The following NCAM2 variants were observed in gnomAD, a reference collection of about 807,000 sequenced individuals.
The protein encoded by NCAM2 is neural cell adhesion molecule 2.
Under a neutral mutation model 98.1 loss-of-function variants are expected in NCAM2, and 30 were observed. That is an observed-to-expected ratio of 0.31 (90% CI 0.23 to 0.41). The LOEUF is 0.41. Among genes scored for constraint, NCAM2 ranks in the 10% least tolerant of loss-of-function variants. The probability of loss-of-function intolerance (pLI) is 1.00; values close to 1 mark genes in which losing one functional copy is unlikely to be tolerated. For synonymous variants in NCAM2, 368 were observed against 342.4 expected (o/e 1.07, Z -0.83); for missense variants, 867 against 1,005.8 (o/e 0.86, Z 1.87).
intron 13 of NCAM2, among the ~76,000 whole-genome samples, chr21:21,467,711 G>C (rs1242587851): frequency 6.6e-6 from 1 of 151,632 alleles, no homozygotes; most frequent in African/African-American, 2.4e-5. Flanking sequence ...AATCAGCTGG[G>C]TGTGGTGGTA....
At chr21:21,102,310 A>G (rs1037030628) in intron 1 of NCAM2, among the ~76,000 whole-genome samples, 1 of 152,090 alleles carries the variant, frequency 6.6e-6, no homozygotes, top group Non-Finnish European at 1.5e-5. Flanking sequence ...AATTTTTACT[A>G]GAAACACGAT....
At chr21:21,303,121 C>T (rs370255981) in intron 5 of NCAM2, among the ~76,000 whole-genome samples, 6 of 151,452 alleles carry the variant, frequency 4.0e-5, no homozygotes, top group East Asian at 1.9e-4. Flanking sequence ...GAAAGGGAGG[C>T]GTGGGCTGAA....
intron 1 of NCAM2, among the ~76,000 whole-genome samples, chr21:21,212,725 A>T (rs1477566990): frequency 2.0e-5 from 3 of 147,602 alleles, no homozygotes; most frequent in African/African-American, 7.5e-5. Flanking sequence ...TGGTATGTAA[A>T]TCTGCAATTA....
intron 1 of NCAM2, among the ~76,000 whole-genome samples, chr21:21,147,864 A>T (rs1256654562): frequency 6.6e-6 from 1 of 151,032 alleles, no homozygotes; most frequent in Admixed American, 6.6e-5. Flanking sequence ...TTAAATTAGG[A>T]TAATTTTTCA....
At chr21:21,514,020 A>G (rs1210474967) in intron 16 of NCAM2, among the ~76,000 whole-genome samples, 1 of 151,812 alleles carries the variant, frequency 6.6e-6, no homozygotes, top group Non-Finnish European at 1.5e-5. Flanking sequence ...TCTTTTCCTT[A>G]CTGTTATGCA....
intron 1 of NCAM2, among the ~76,000 whole-genome samples, chr21:21,265,297 A>G (rs1601811867): frequency 7.6e-6 from 1 of 131,564 alleles, no homozygotes; most frequent in African/African-American, 2.7e-5. Flanking sequence ...GTGTATATAT[A>G]CGTGTATACA....
intron 1 of NCAM2, among the ~76,000 whole-genome samples, chr21:21,215,647 G>C (rs1372832621): frequency 6.6e-6 from 1 of 152,108 alleles, no homozygotes; most frequent in Non-Finnish European, 1.5e-5. Flanking sequence ...AGGTTTGCTT[G>C]ATCCCGGGAG....
chr21:21,153,336 A>G lies in NCAM2; in HGVS notation c.56-127242A>G, dbSNP rs142928176. On this transcript the variant is annotated intron_variant, in intron 1 of 17. Transcript: ENST00000400546. ...AAGCTCCCTGGAATCTGCATGTCCAAATGTCTTCTTTATATGCTGTCAGTA... is the reference window on the plus strand; with the variant it reads ...AAGCTCCCTGGAATCTGCATGTCCAGATGTCTTCTTTATATGCTGTCAGTA... 9.6e-4 allele frequency among the ~76,000 whole-genome samples: 145 copies of G among 151,624 alleles called. 1 individual carries two copies. The highest frequency in any genetic ancestry group is 3.3e-3 in the African/African-American group (138 of 41,382).
At chr21:21,512,975 GT>G (rs1020714613) in intron 16 of NCAM2, among the ~76,000 whole-genome samples, 1 of 151,902 alleles carries the variant, frequency 6.6e-6, no homozygotes, top group Non-Finnish European at 1.5e-5. Flanking sequence ...AGTTCTAATA[GT>G]TTTTTTGGTG....
intron 1 of NCAM2, among the ~76,000 whole-genome samples, chr21:21,042,513 T>C (rs6417716): frequency 0.93 from 141,645 of 152,092 alleles, 66,783 homozygotes; most frequent in East Asian, 1. Context: ...ATTTAACAGA[T>C]ATAAGCCTCA....
intron 1 of NCAM2, chr21:21,210,434 G>A: frequency 1.2e-6 from 1 of 864,010 alleles, no homozygotes; most frequent in South Asian, 1.9e-5. Context: ...ATATTTAAGA[G>A]CACCAGGACA....
intron 17 of NCAM2, among the ~76,000 whole-genome samples, chr21:21,535,730 C>T (rs1488311145): frequency 2.6e-5 from 4 of 151,900 alleles, no homozygotes; most frequent in African/African-American, 9.7e-5. Flanking sequence ...AAGAGGTGTA[C>T]ATGAAAACTA....
intron 1 of NCAM2, among the ~76,000 whole-genome samples, chr21:21,180,357 G>C (rs534781616): frequency 1.3e-5 from 2 of 152,180 alleles, no homozygotes; most frequent in Admixed American, 1.3e-4. Flanking sequence ...TGAGTTGTTT[G>C]AGTTCCTTAT....
intron 1 of NCAM2, among the ~76,000 whole-genome samples, chr21:21,026,051 C>T (rs776074935): frequency 5.3e-5 from 8 of 152,018 alleles, no homozygotes; most frequent in Non-Finnish European, 8.8e-5. Flanking sequence ...AGGCTCAAGG[C>T]GAGAAATAAG....
At chr21:21,184,096 T>C (rs2068563012) in intron 1 of NCAM2, among the ~76,000 whole-genome samples, 1 of 152,036 alleles carries the variant, frequency 6.6e-6, no homozygotes, top group African/African-American at 2.4e-5. Flanking sequence ...TTGGGGAATG[T>C]GTTTGGGCTT....
intron 1 of NCAM2, among the ~76,000 whole-genome samples, chr21:21,278,051 T>A (rs1275032183): frequency 6.6e-6 from 1 of 152,086 alleles, no homozygotes; most frequent in African/African-American, 2.4e-5. Context: ...AGGTTGAAGA[T>A]GGCAAGATTA....
At chr21:21,241,286 A>G (rs1373004958) in intron 1 of NCAM2, among the ~76,000 whole-genome samples, 2 of 151,226 alleles carry the variant, frequency 1.3e-5, no homozygotes, top group Non-Finnish European at 1.5e-5. Context: ...TTAAAAAAAG[A>G]TAAGTTCCTG....
At chr21:21,117,489 C>G (rs969517288) in intron 1 of NCAM2, among the ~76,000 whole-genome samples, 6 of 151,836 alleles carry the variant, frequency 4.0e-5, no homozygotes, top group Non-Finnish European at 7.4e-5. Flanking sequence ...TTGTATTGAT[C>G]AACAGATGAA....
chr21:21,172,517 A>T (rs1219036990), intron 1 of NCAM2, among the ~76,000 whole-genome samples: 1 of 152,160 alleles, frequency 6.6e-6, no homozygotes, highest in African/African-American at 2.4e-5. Context: ...TTACATGTAC[A>T]TTGCATATTG....
Sources: allele counts gnomAD v4.1 joint callset (sites outside exome capture counted in the v4.1 genomes callset), GRCh38; gene constraint gnomAD v4.1.1; transcripts MANE v1.5; gene names NCBI Gene and HGNC (gene_info 2026-07-23, HGNC 2026-07-21).